PLCB4: variants seen among roughly 807,000 people sequenced by gnomAD.
The protein encoded by PLCB4 is phospholipase C beta 4.
In PLCB4, 77 loss-of-function variants were observed where a neutral mutation model predicts 178.8. The observed-to-expected ratio is 0.43, with a 90% confidence interval of 0.36 to 0.52. The LOEUF (loss-of-function observed/expected upper bound fraction) is 0.52, where lower values mean the gene tolerates loss of function less well. PLCB4 is among the 20% of genes least tolerant of loss of function. PLCB4 has a pLI of 0.00. For missense variants in PLCB4, 1,024 were observed against 1,453.4 expected (o/e 0.70, Z 4.80); for synonymous variants, 496 against 490.8 (o/e 1.01, Z -0.14).
chr20:9,274,641 T>A (rs1197737173), intron 3 of PLCB4, among the ~76,000 whole-genome samples: 1 of 152,138 alleles, frequency 6.6e-6, no homozygotes, highest in Non-Finnish European at 1.5e-5. Flanking sequence ...AAATATCTTC[T>A]GTCCTACGAA....
At chr20:9,271,152 C>A (rs2094398837) in intron 3 of PLCB4, among the ~76,000 whole-genome samples, 1 of 152,150 alleles carries the variant, frequency 6.6e-6, no homozygotes, top group South Asian at 2.1e-4. Flanking sequence ...GGACTTACCC[C>A]TGCCTGTTTT....
At chr20:9,456,690 A>T (rs1194356022) in intron 33 of PLCB4, among the ~76,000 whole-genome samples, 1 of 152,208 alleles carries the variant, frequency 6.6e-6, no homozygotes, top group Admixed American at 6.5e-5. Flanking sequence ...CCAGCCATTG[A>T]GAAGTGCTAG....
At chr20:9,081,285 A>T (rs975896494) in intron 1 of PLCB4, among the ~76,000 whole-genome samples, 2 of 152,232 alleles carry the variant, frequency 1.3e-5, no homozygotes, top group Non-Finnish European at 2.9e-5. Context: ...AGATACTTCA[A>T]CAGCTCCCTG....
chr20:9,466,650 A>G (rs1366551437), intron 35 of PLCB4, among the ~76,000 whole-genome samples: 2 of 152,262 alleles, frequency 1.3e-5, no homozygotes, highest in African/African-American at 4.8e-5. Flanking sequence ...AAAAGGAGAC[A>G]TTTATGCAGC....
chr20:9,328,916 C>T lies in PLCB4; in HGVS notation c.85-8210C>T, dbSNP rs117773108. Among the ~76,000 whole-genome samples the T allele has an allele frequency of 8.3e-3, 1,262 of 152,210 alleles. 2 individuals are homozygous for T. The highest frequency in any genetic ancestry group is 0.011 in the Non-Finnish European group (780 of 68,018). On this transcript the variant is annotated intron_variant, in intron 4 of 39. Coordinates refer to ENST00000378473, the MANE Select transcript of PLCB4 (RefSeq NM_001377142.1). Reference sequence around the variant, plus strand: ...CCTGGAGAAAATGGGTTGCCACTTCCGCAGTGAAATGCAGAAAGTTTAATA... The same window carrying T: ...CCTGGAGAAAATGGGTTGCCACTTCTGCAGTGAAATGCAGAAAGTTTAATA...
chr20:9,077,667 T>C (rs1329583612), intron 1 of PLCB4, among the ~76,000 whole-genome samples: 1 of 152,212 alleles, frequency 6.6e-6, no homozygotes, highest in Non-Finnish European at 1.5e-5. Flanking sequence ...TTCTGATCAA[T>C]TTGGTGAGCT....
chr20:9,139,715 T>A (rs187400972), intron 2 of PLCB4, among the ~76,000 whole-genome samples: 1 of 151,966 alleles, frequency 6.6e-6, no homozygotes, highest in East Asian at 2.0e-4. Flanking sequence ...AAACCACATT[T>A]TTTTTTTGCA....
chr20:9,406,325 G>A (rs1028571975), intron 21 of PLCB4, among the ~76,000 whole-genome samples: 6 of 152,094 alleles, frequency 3.9e-5, no homozygotes, highest in Non-Finnish European at 5.9e-5. Flanking sequence ...GGACATGGCC[G>A]TTGTTTGGTG....
chr20:9,100,854 T>C (rs1431747382), intron 2 of PLCB4, among the ~76,000 whole-genome samples: 4 of 152,110 alleles, frequency 2.6e-5, no homozygotes, highest in African/African-American at 9.7e-5. Flanking sequence ...CCCACTTTCG[T>C]GCACACAGCA....
At position 9,401,557 on chromosome 20, in the gene PLCB4, T is replaced by G. The variant is rs1452833972; in HGVS notation, c.1578T>G (p.Gly526=). Residue 526 remains glycine, a synonymous_variant, in exon 20 of 40, where the codon GGT becomes GGG. Transcript: ENST00000378473. Reference sequence around the variant, plus strand: ...ATGAACTTTCTGCTGATGACTTGGGTCACAAGGAAGCTGTTGCAAATAGCG... The same window carrying G: ...ATGAACTTTCTGCTGATGACTTGGGGCACAAGGAAGCTGTTGCAAATAGCG... The part of the protein sequence containing the change: ...FGNELSADDL[G]HKEAVANSVK... The G allele has an allele frequency of 6.2e-7, 1 of 1,613,644 alleles. No homozygotes were observed. Among genetic ancestry groups the G allele is most frequent in the Non-Finnish European group, 8.5e-7 (1 of 1,179,684 alleles).
At chr20:9,212,953 A>G (rs957653919) in intron 2 of PLCB4, among the ~76,000 whole-genome samples, 2 of 152,046 alleles carry the variant, frequency 1.3e-5, no homozygotes, top group African/African-American at 4.8e-5. Context: ...AACTATCAAC[A>G]CAATCTAACC....
At position 9,247,854 on chromosome 20, in the gene PLCB4, A is replaced by G. The variant is rs143200797; in HGVS notation, c.-16+30402A>G. 8.5e-3 allele frequency among the ~76,000 whole-genome samples: 1,290 copies of G among 152,312 alleles called. 23 individuals carry two copies. The highest frequency in any genetic ancestry group is 0.03 in the African/African-American group (1,234 of 41,564). On this transcript the variant is annotated intron_variant, in intron 3 of 39. Transcript: ENST00000378473. ...TCTGTAGGTGGAGATAAAATGGGAAACATTTAATGCAGCCTCCATTTCCTC... is the reference window on the plus strand; with the variant it reads ...TCTGTAGGTGGAGATAAAATGGGAAGCATTTAATGCAGCCTCCATTTCCTC...
intron 3 of PLCB4, among the ~76,000 whole-genome samples, chr20:9,268,824 G>A (rs1232758916): frequency 6.6e-6 from 1 of 152,132 alleles, no homozygotes; most frequent in Non-Finnish European, 1.5e-5. Context: ...CAGACTACAT[G>A]CATGTCTTAA....
At chr20:9,357,599 T>C (rs1483139094) in intron 7 of PLCB4, among the ~76,000 whole-genome samples, 7 of 151,716 alleles carry the variant, frequency 4.6e-5, no homozygotes, top group African/African-American at 1.7e-4. Context: ...CTTTGGGAGG[T>C]GATTAGGTCA....
intron 2 of PLCB4, among the ~76,000 whole-genome samples, chr20:9,207,437 C>T (rs963214373): frequency 2.6e-5 from 4 of 152,200 alleles, no homozygotes; most frequent in Admixed American, 2.6e-4. Flanking sequence ...GCAAATGAGT[C>T]ATTGAAAGCA....
chr20:9,315,838 C>T (rs1022212088), intron 4 of PLCB4, among the ~76,000 whole-genome samples: 1 of 151,912 alleles, frequency 6.6e-6, no homozygotes, highest in African/African-American at 2.4e-5. Context: ...GAGGCTAAGG[C>T]ACAAAAATCG....
chr20:9,301,096 T>C (rs1274528152), intron 3 of PLCB4, among the ~76,000 whole-genome samples: 8 of 151,374 alleles, frequency 5.3e-5, no homozygotes, highest in African/African-American at 1.9e-4. Flanking sequence ...CCTCTTCTGC[T>C]TGTGTCAAAA....
At chr20:9,443,503 T>C (rs1876013809) in intron 30 of PLCB4, among the ~76,000 whole-genome samples, 1 of 152,172 alleles carries the variant, frequency 6.6e-6, no homozygotes, top group Admixed American at 6.5e-5. Context: ...TTCCCTTGCC[T>C]GAAAGGTTTT....
At chr20:9,307,650 A>T in intron 3 of PLCB4, 150 bp from the exon 4 acceptor site, 1 of 510,204 alleles carries the variant, frequency 2.0e-6, no homozygotes, top group Non-Finnish European at 3.5e-6. Context: ...AAAAGAAAGC[A>T]AGTTGGGGGT....
Sources: allele counts gnomAD v4.1 joint callset (sites outside exome capture counted in the v4.1 genomes callset), GRCh38; gene constraint gnomAD v4.1.1; transcripts MANE v1.5; gene names NCBI Gene and HGNC (gene_info 2026-07-23, HGNC 2026-07-21).